HMGB1: variants seen among roughly 807,000 people sequenced by gnomAD.
The protein encoded by HMGB1 is high mobility group box 1, also known as high mobility group protein B1.
For synonymous variants in HMGB1, 81 were observed against 84.0 expected, an observed-to-expected ratio of 0.96 and a Z score of 0.19; for missense variants, 79 against 253.5, an observed-to-expected ratio of 0.31 and a Z score of 4.67.
chr13:30,527,564 C>T (rs1006759307), intron 1 of HMGB1, among the ~76,000 whole-genome samples: 1 of 152,104 alleles, frequency 6.6e-6, no homozygotes, highest in African/African-American at 2.4e-5. Flanking sequence ...TCAGGGTCAG[C>T]ATCACCACGA....
intron 1 of HMGB1, among the ~76,000 whole-genome samples, chr13:30,515,430 T>C (rs1888081229): frequency 6.6e-6 from 1 of 152,200 alleles, no homozygotes; most frequent in Non-Finnish European, 1.5e-5. Flanking sequence ...TTTGTGATCA[T>C]TTTTGTCATG....
At chr13:30,524,576 G>T (rs960025698) in intron 1 of HMGB1, among the ~76,000 whole-genome samples, 8 of 152,012 alleles carry the variant, frequency 5.3e-5, no homozygotes, top group African/African-American at 1.9e-4. Context: ...CCAGCTACTT[G>T]GGAGGCTGAG....
intron 1 of HMGB1, 83 bp downstream of exon 1, chr13:30,465,713 C>T: frequency 2.6e-6 from 2 of 756,138 alleles, no homozygotes; most frequent in East Asian, 1.3e-4. Flanking sequence ...CCCGCCGGCT[C>T]CCGGCCGCGG....
intron 1 of HMGB1, among the ~76,000 whole-genome samples, chr13:30,524,706 T>G (rs61947771): frequency 1.1e-4 from 1 of 9,286 alleles, no homozygotes; most frequent in Non-Finnish European, 5.4e-4. Flanking sequence ...AAATAAATAA[T>G]AATAATAATA....
chr13:30,564,339 G>A (rs1013897941), intron 1 of HMGB1, among the ~76,000 whole-genome samples: 20 of 150,480 alleles, frequency 1.3e-4, no homozygotes, highest in African/African-American at 4.9e-4. Context: ...TGCAGTCCCA[G>A]CTACTCGGGA....
At chr13:30,474,782 A>C (rs1473765614) in intron 1 of HMGB1, among the ~76,000 whole-genome samples, 782 of 42,446 alleles carry the variant, frequency 0.018, 13 homozygotes, top group African/African-American at 0.083. Context: ...TTTTTTTTTG[A>C]GATGGTTTCG....
At chr13:30,561,589 T>C (rs1479982070) in intron 1 of HMGB1, among the ~76,000 whole-genome samples, 1 of 152,092 alleles carries the variant, frequency 6.6e-6, no homozygotes, top group African/African-American at 2.4e-5. Flanking sequence ...GTAGGAACGA[T>C]GACAGATGAC....
intron 1 of HMGB1, among the ~76,000 whole-genome samples, chr13:30,472,026 C>G (rs1886956763): frequency 6.6e-6 from 1 of 151,856 alleles, no homozygotes; most frequent in Non-Finnish European, 1.5e-5. Context: ...GCCTGTAATC[C>G]CACTACTTTG....
At chr13:30,492,049 T>C (rs1887507694) in intron 1 of HMGB1, among the ~76,000 whole-genome samples, 1 of 151,912 alleles carries the variant, frequency 6.6e-6, no homozygotes, top group South Asian at 2.1e-4. Flanking sequence ...GCACCTGTAG[T>C]CCCAGCTACT....
intron 1 of HMGB1, among the ~76,000 whole-genome samples, chr13:30,577,762 T>C: frequency 6.6e-6 from 1 of 152,250 alleles, no homozygotes; most frequent in East Asian, 1.9e-4. Context: ...ACATGCATAA[T>C]GCTTACAACA....
At chr13:30,563,785 A>G (rs1215289801) in intron 1 of HMGB1, among the ~76,000 whole-genome samples, 2 of 152,354 alleles carry the variant, frequency 1.3e-5, no homozygotes, top group Admixed American at 1.3e-4. Context: ...CTGTTATGTG[A>G]GTGAAACGTT....
intron 1 of HMGB1, among the ~76,000 whole-genome samples, chr13:30,522,733 A>T (rs1888268164): frequency 1.5e-5 from 1 of 67,456 alleles, no homozygotes; most frequent in Admixed American, 2.1e-4. Flanking sequence ...CAAGTCTAAA[A>T]GTCTTTTTTT....
chr13:30,589,209 T>C (rs781077198), intron 1 of HMGB1, among the ~76,000 whole-genome samples: 10 of 152,080 alleles, frequency 6.6e-5, no homozygotes, highest in East Asian at 2.0e-4. Flanking sequence ...TTCTCCATGT[T>C]GGTCAGGCTG....
chr13:30,603,895 G>C (rs1268974602), intron 1 of HMGB1, among the ~76,000 whole-genome samples: 1 of 152,144 alleles, frequency 6.6e-6, no homozygotes, highest in Admixed American at 6.6e-5. Flanking sequence ...GTTCAGAATA[G>C]ATGCTTTTTT....
chr13:30,538,510 C>T (rs9508780), intron 1 of HMGB1, among the ~76,000 whole-genome samples: 2 of 82,230 alleles, frequency 2.4e-5, no homozygotes, highest in African/African-American at 8.6e-5. Context: ...TTCTTTCTTT[C>T]CTTTCTTTCT....
At chr13:30,499,734 C>A (rs1887693040) in intron 1 of HMGB1, among the ~76,000 whole-genome samples, 1 of 152,182 alleles carries the variant, frequency 6.6e-6, no homozygotes, top group Admixed American at 6.5e-5. Context: ...AAAAAGGAAC[C>A]TTGAAAAGTC....
rs1886192174 is a variant in HMGB1 at position 30,459,754 on chromosome 13, TATTTA to T, written c.*1598_*1602del. The stretch of plus-strand genomic sequence containing the variant: ...GAAAAACTTTGCCATCCCTTATACT[TATTTA>T]AAAGGTACTGCTAAGAGGTATTATT... On this transcript the variant is annotated 3_prime_UTR_variant, in exon 5 of 5. Coordinates refer to ENST00000341423, the MANE Select transcript of HMGB1 (RefSeq NM_002128.7). 6.6e-6 allele frequency: 1 copy of T among 152,210 alleles called. No homozygotes were observed. The allele number at this position is 152,210 out of a possible 1,614,324, so 9.4% of individuals were successfully genotyped here.
At chr13:30,554,826 G>T in intron 1 of HMGB1, 1 of 755,778 alleles carries the variant, frequency 1.3e-6, no homozygotes, top group South Asian at 1.4e-5. Context: ...TAATATTCAT[G>T]ACTTGAGAAT....
intron 1 of HMGB1, chr13:30,554,041 C>A: frequency 7.0e-7 from 1 of 1,433,212 alleles, no homozygotes; most frequent in Non-Finnish European, 9.8e-7. Context: ...GTTAAATGTG[C>A]GCAGTACTGG....
Sources: gnomAD v4.1 joint callset for allele counts (sites outside exome capture counted in the v4.1 genomes callset) on GRCh38, gnomAD v4.1.1 for gene constraint, MANE v1.5 for transcripts, NCBI Gene and HGNC (gene_info 2026-07-23, HGNC 2026-07-21) for gene names.